The following SPOCK1 variants were observed in gnomAD, a reference collection of about 807,000 sequenced individuals.
The protein encoded by SPOCK1 is SPARC (osteonectin), cwcv and kazal like domains proteoglycan 1.
A neutral mutation model predicts 55.3 loss-of-function variants in SPOCK1; 23 were observed. The observed-to-expected ratio is 0.42, with a 90% CI of 0.30 to 0.59. The LOEUF is 0.59. SPOCK1 is among the 20% of genes least tolerant of loss of function. The probability of loss-of-function intolerance (pLI) is 0.22; values close to 1 mark genes in which losing one functional copy is unlikely to be tolerated. For synonymous variants in SPOCK1, 226 were observed against 221.0 expected, an observed-to-expected ratio of 1.02 and a Z score of -0.20; for missense variants, 499 against 552.5, an observed-to-expected ratio of 0.90 and a Z score of 0.97.
intron 2 of SPOCK1, among the ~76,000 whole-genome samples, chr5:137,432,432 G>T (rs1197008967): frequency 6.6e-6 from 1 of 151,992 alleles, no homozygotes; most frequent in African/African-American, 2.4e-5. Flanking sequence ...CATAAAAAAA[G>T]GAAATTCTGA....
intron 2 of SPOCK1, among the ~76,000 whole-genome samples, chr5:137,462,222 A>G (rs530177740): frequency 2.0e-5 from 3 of 152,204 alleles, no homozygotes; most frequent in African/African-American, 7.2e-5. Context: ...TTTCACTGAT[A>G]GAATTTCCCA....
At chr5:137,179,257 T>C (rs908165497) in intron 3 of SPOCK1, among the ~76,000 whole-genome samples, 2 of 152,214 alleles carry the variant, frequency 1.3e-5, no homozygotes, top group Non-Finnish European at 2.9e-5. Flanking sequence ...ATCTGTCCCC[T>C]TCTCCCAATT....
chr5:137,245,761 C>G (rs13187474), intron 3 of SPOCK1, among the ~76,000 whole-genome samples: 59,397 of 119,218 alleles, frequency 0.5, 12,935 homozygotes, highest in Middle Eastern at 0.55. Flanking sequence ...GTTAAAAAAA[C>G]AAAACAAAAC....
intron 6 of SPOCK1, among the ~76,000 whole-genome samples, chr5:137,064,436 G>A (rs571776706): frequency 1.3e-5 from 2 of 152,136 alleles, no homozygotes; most frequent in Non-Finnish European, 2.9e-5. Flanking sequence ...TTATAAGACT[G>A]TAAACTCTCA....
intron 4 of SPOCK1, among the ~76,000 whole-genome samples, chr5:137,138,496 C>T (rs2127049970): frequency 1.6e-5 from 1 of 61,406 alleles, no homozygotes; most frequent in Middle Eastern, 9.3e-3. Context: ...ATCTTACACA[C>T]ACAAACATAC....
chr5:137,329,800 C>T (rs953973888), intron 2 of SPOCK1, among the ~76,000 whole-genome samples: 1 of 152,182 alleles, frequency 6.6e-6, no homozygotes, highest in Non-Finnish European at 1.5e-5. Context: ...GCATGGCTCA[C>T]TCAGCATATC....
chr5:137,244,947 A>C (rs188424621), intron 3 of SPOCK1, among the ~76,000 whole-genome samples: 26 of 152,308 alleles, frequency 1.7e-4, no homozygotes, highest in East Asian at 9.6e-4. Flanking sequence ...ATTACTTACC[A>C]ATGTCCAGGA....
At chr5:137,498,301 C>CACACA in intron 2 of SPOCK1, 72 bp downstream of exon 2, 1 of 1,402,092 alleles carries the variant, frequency 7.1e-7, no homozygotes, top group Non-Finnish European at 9.4e-7. Context: ...CACACACACA[C>CACACA]CCCAACCCCG....
intron 6 of SPOCK1, among the ~76,000 whole-genome samples, chr5:137,056,735 G>A (rs1752308604): frequency 6.6e-6 from 1 of 151,970 alleles, no homozygotes; most frequent in South Asian, 2.1e-4. Context: ...CACATGACTT[G>A]GTGGCAACAG....
In SPOCK1 at chr5:137,319,439, T is replaced by C. The variant is rs559413078; in HGVS notation, c.187-52384A>G. Among the ~76,000 whole-genome samples, 138 of 152,332 alleles carry C rather than the reference T, an allele frequency of 9.1e-4. 1 individual carries two copies. Among genetic ancestry groups the C allele is most frequent in the Middle Eastern group, 3.4e-3 (1 of 294 alleles). On this transcript the variant is annotated intron_variant, in intron 2 of 10. Coordinates refer to ENST00000394945, the MANE Select transcript of SPOCK1 (RefSeq NM_004598.4). Reference sequence around the variant, plus strand: ...CTTATTGTTCACTATAAGTAACAGATTGACATCTCTCCAAGAGCAAGTCCT... The same window carrying C: ...CTTATTGTTCACTATAAGTAACAGACTGACATCTCTCCAAGAGCAAGTCCT...
chr5:137,486,188 TCCTGTTGG>T (rs1185612868), intron 2 of SPOCK1, among the ~76,000 whole-genome samples: 1 of 152,210 alleles, frequency 6.6e-6, no homozygotes, highest in African/African-American at 2.4e-5. Context: ...GCCAGCACCT[TCCTGTTGG>T]CCTGTTGGCA....
chr5:137,461,945 C>G (rs1753497822), intron 2 of SPOCK1, among the ~76,000 whole-genome samples: 1 of 152,186 alleles, frequency 6.6e-6, no homozygotes. Flanking sequence ...GTTAACATCA[C>G]CAGATGAAGA....
At chr5:137,030,270 A>T (rs2126985189) in intron 6 of SPOCK1, among the ~76,000 whole-genome samples, 1 of 152,386 alleles carries the variant, frequency 6.6e-6, no homozygotes, top group South Asian at 2.1e-4. Flanking sequence ...CTGCTTTATG[A>T]TTCATTTAGC....
chr5:137,492,771 C>G (rs17499), intron 2 of SPOCK1, among the ~76,000 whole-genome samples: 73,269 of 152,070 alleles, frequency 0.48, 18,362 homozygotes, highest in African/African-American at 0.63. Flanking sequence ...GTTGCTTGGA[C>G]CATGTCTTTT....
At chr5:137,495,137 T>C (rs531502408) in intron 2 of SPOCK1, among the ~76,000 whole-genome samples, 1 of 152,376 alleles carries the variant, frequency 6.6e-6, no homozygotes, top group African/African-American at 2.4e-5. Context: ...ATCTGAGCAT[T>C]GTTCTATTTG....
intron 2 of SPOCK1, among the ~76,000 whole-genome samples, chr5:137,372,258 G>A (rs898879809): frequency 3.3e-5 from 5 of 152,184 alleles, no homozygotes; most frequent in Admixed American, 2.6e-4. Flanking sequence ...GACCCAAACA[G>A]TCTGTGTCCA....
At chr5:137,491,266 G>A (rs1029793112) in intron 2 of SPOCK1, among the ~76,000 whole-genome samples, 4 of 152,162 alleles carry the variant, frequency 2.6e-5, no homozygotes, top group Admixed American at 6.5e-5. Context: ...AGCTTTTCAC[G>A]GAATCAGAGA....
At chr5:137,304,155 A>G (rs1757659386) in intron 2 of SPOCK1, among the ~76,000 whole-genome samples, 1 of 151,896 alleles carries the variant, frequency 6.6e-6, no homozygotes, top group African/African-American at 2.4e-5. Flanking sequence ...AAGAAGGGGG[A>G]AAAAATCCAC....
intron 2 of SPOCK1, among the ~76,000 whole-genome samples, chr5:137,298,546 A>G (rs1341086589): frequency 6.6e-6 from 1 of 152,184 alleles, no homozygotes; most frequent in African/African-American, 2.4e-5. Flanking sequence ...CTGTATTCTT[A>G]CTAATTTTTA....
Sources: gnomAD v4.1 joint callset for allele counts (sites outside exome capture counted in the v4.1 genomes callset) on GRCh38, gnomAD v4.1.1 for gene constraint, MANE v1.5 for transcripts, NCBI Gene and HGNC (gene_info 2026-07-23, HGNC 2026-07-21) for gene names.